Variants in NKAIN3 observed in about 807,000 individuals in gnomAD.
NKAIN3 encodes sodium/potassium transporting ATPase interacting 3.
In NKAIN3, 25 loss-of-function variants were observed where a neutral mutation model predicts 30.2. The ratio of observed to expected loss-of-function variants is 0.83; its 90% confidence interval spans 0.60 to 1.16. The LOEUF (loss-of-function observed/expected upper bound fraction) is 1.16. NKAIN3 is among the 50% of genes most tolerant of loss of function. The pLI, the probability that NKAIN3 is intolerant of heterozygous loss-of-function variation, is 0.00. For missense variants in NKAIN3, 225 were observed against 254.1 expected (o/e 0.89, Z 0.78); for synonymous variants, 91 against 89.6 (o/e 1.02, Z -0.09).
At chr8:62,997,178 A>T (rs1804136323) in intron 5 of NKAIN3, among the ~76,000 whole-genome samples, 1 of 152,156 alleles carries the variant, frequency 6.6e-6, no homozygotes, top group South Asian at 2.1e-4. Flanking sequence ...ATTAAGAAAA[A>T]AATTCCTTCC....
intron 5 of NKAIN3, among the ~76,000 whole-genome samples, chr8:62,920,584 AC>A (rs1822249580): frequency 6.6e-6 from 1 of 152,170 alleles, no homozygotes; most frequent in Non-Finnish European, 1.5e-5. Flanking sequence ...CGTTCCATTG[AC>A]TTTGATGTCT....
chr8:62,573,954 T>G (rs1212132822), intron 1 of NKAIN3, among the ~76,000 whole-genome samples: 1 of 152,156 alleles, frequency 6.6e-6, no homozygotes, highest in Non-Finnish European at 1.5e-5. Flanking sequence ...CCTGTTGTAT[T>G]ATCAAATACT....
chr8:62,708,440 C>T (rs536785763), intron 3 of NKAIN3, among the ~76,000 whole-genome samples: 1 of 152,024 alleles, frequency 6.6e-6, no homozygotes, highest in African/African-American at 2.4e-5. Flanking sequence ...AGTCCATCAA[C>T]CCCTTAGTTA....
chr8:62,637,775 G>A (rs1362792025), intron 3 of NKAIN3, among the ~76,000 whole-genome samples: 1 of 152,092 alleles, frequency 6.6e-6, no homozygotes, highest in Non-Finnish European at 1.5e-5. Flanking sequence ...GGGTCCTTCT[G>A]TCCCACACAT....
At chr8:62,771,458 A>G (rs1344082873) in intron 4 of NKAIN3, among the ~76,000 whole-genome samples, 7 of 152,144 alleles carry the variant, frequency 4.6e-5, no homozygotes. Context: ...CTTGAGAAAC[A>G]GAAATTATTC....
chr8:62,469,789 A>G (rs1267568619), intron 1 of NKAIN3, among the ~76,000 whole-genome samples: 1 of 152,200 alleles, frequency 6.6e-6, no homozygotes, highest in East Asian at 1.9e-4. Context: ...GAAAGATTGC[A>G]GTGTACAGTA....
intron 1 of NKAIN3, among the ~76,000 whole-genome samples, chr8:62,405,757 T>A (rs1227213746): frequency 6.6e-6 from 1 of 152,192 alleles, no homozygotes. Flanking sequence ...AGGTGCTTTT[T>A]TATGTGAATA....
Position 62,321,099 on chromosome 8 carries a change from A to G in NKAIN3, c.54+71972A>G, listed in dbSNP as rs187276240. The stretch of plus-strand genomic sequence containing the variant: ...TCATTTATTTGATCTTCCATCACTG[A>G]TACACTTTTTTCCAGTTGATCAAAT... On this transcript the variant is annotated intron_variant, in intron 1 of 6. Coordinates refer to ENST00000623646, the MANE Select transcript of NKAIN3 (RefSeq NM_001304533.3). 6.6e-4 allele frequency among the ~76,000 whole-genome samples: 101 copies of G among 152,058 alleles called. No individual in the cohort carries two copies. In the East Asian group the frequency reaches 8.1e-3, roughly 12 times the overall value.
At chr8:62,636,092 C>T (rs761061962) in intron 3 of NKAIN3, among the ~76,000 whole-genome samples, 1 of 152,132 alleles carries the variant, frequency 6.6e-6, no homozygotes, top group East Asian at 1.9e-4. Flanking sequence ...ATGATTCCAG[C>T]TGGCAATGAG....
rs186946721 is a variant in NKAIN3 at position 62,961,001 on chromosome 8, C to G, written c.604-4353C>G. Among the ~76,000 whole-genome samples the G allele has an allele frequency of 1.3e-4, 20 of 152,186 alleles. No individual in the cohort carries two copies. In the East Asian group the frequency reaches 3.5e-3, roughly 26 times the overall value. On this transcript the variant is annotated intron_variant, in intron 6 of 6. Coordinates refer to ENST00000623646, the MANE Select transcript of NKAIN3 (RefSeq NM_001304533.3). ...ATCATTAAAAGTGGGACAACCAGGC[C>G]GGGCATGGTGGCTCATGCCTGTAAT...
At chr8:62,539,545 A>G (rs1393220063) in intron 1 of NKAIN3, among the ~76,000 whole-genome samples, 1 of 152,178 alleles carries the variant, frequency 6.6e-6, no homozygotes, top group Non-Finnish European at 1.5e-5. Flanking sequence ...AAAGACATCA[A>G]ATAACACCTA....
chr8:62,535,595 C>T (rs1268850772), intron 1 of NKAIN3, among the ~76,000 whole-genome samples: 3 of 152,136 alleles, frequency 2.0e-5, no homozygotes, highest in Non-Finnish European at 4.4e-5. Context: ...CATTTACTTA[C>T]ATTTGCTGAT....
At chr8:62,905,252 G>T (rs963368583) in intron 4 of NKAIN3, among the ~76,000 whole-genome samples, 1 of 152,146 alleles carries the variant, frequency 6.6e-6, no homozygotes, top group Non-Finnish European at 1.5e-5. Flanking sequence ...TCAGGGAGTT[G>T]GAGTACAGAT....
chr8:62,344,431 A>G (rs2129591164), intron 1 of NKAIN3, among the ~76,000 whole-genome samples: 1 of 152,218 alleles, frequency 6.6e-6, no homozygotes, highest in Non-Finnish European at 1.5e-5. Context: ...CTCTATATAC[A>G]GGGAGGAGAG....
At position 62,802,416 on chromosome 8, in the gene NKAIN3, A is replaced by G. The variant is rs188789991; in HGVS notation, c.471+55287A>G. On this transcript the variant is annotated intron_variant, in intron 4 of 6. Transcript: ENST00000623646. ...GGGAAGCCCGTCAGACTAACAGTGG[A>G]TCTCTTGGCAGAAACTCTACAAGCC... Among the ~76,000 whole-genome samples, 230 of 152,356 alleles carry G rather than the reference A, an allele frequency of 1.5e-3. 1 individual carries two copies. The highest frequency in any genetic ancestry group is 4.2e-3 in the African/African-American group (174 of 41,590).
intron 4 of NKAIN3, among the ~76,000 whole-genome samples, chr8:62,780,174 C>T (rs138345922): frequency 1.3e-5 from 2 of 151,982 alleles, no homozygotes; most frequent in African/African-American, 4.8e-5. Context: ...TATAAGCTAA[C>T]AAACTGGAAA....
At chr8:62,403,872 C>T (rs1055966363) in intron 1 of NKAIN3, among the ~76,000 whole-genome samples, 2 of 152,196 alleles carry the variant, frequency 1.3e-5, no homozygotes, top group African/African-American at 4.8e-5. Flanking sequence ...TGACCGCTTG[C>T]ACCATGTGCC....
At chr8:62,606,111 C>T (rs1203343466) in intron 3 of NKAIN3, among the ~76,000 whole-genome samples, 1 of 152,038 alleles carries the variant, frequency 6.6e-6, no homozygotes, top group African/African-American at 2.4e-5. Context: ...GTCGATCCAC[C>T]ATCTCCATCT....
In NKAIN3 at chr8:62,819,968, A is replaced by G. The variant is rs565637556; in HGVS notation, c.471+72839A>G. 2.2e-4 allele frequency among the ~76,000 whole-genome samples: 33 copies of G among 152,260 alleles called. No individual in the cohort carries two copies. The South Asian group carries it at 6.8e-3, about 32-fold the overall frequency. On this transcript the variant is annotated intron_variant, in intron 4 of 6. Coordinates refer to ENST00000623646, the MANE Select transcript of NKAIN3 (RefSeq NM_001304533.3). ...AAAAGAAAAATCACTCCAGGCAGGGAAAGCAGCAAATTTTTTAACAAAAAG... is the reference window on the plus strand; with the variant it reads ...AAAAGAAAAATCACTCCAGGCAGGGGAAGCAGCAAATTTTTTAACAAAAAG...
Sources: gnomAD v4.1 joint callset for allele counts (sites outside exome capture counted in the v4.1 genomes callset) on GRCh38, gnomAD v4.1.1 for gene constraint, MANE v1.5 for transcripts, NCBI Gene and HGNC (gene_info 2026-07-23, HGNC 2026-07-21) for gene names.